Variants in ARID1A observed in about 807,000 individuals in gnomAD.
The protein encoded by ARID1A is AT-rich interactive domain-containing protein 1A.
ARID1A carries 20 observed loss-of-function variants against 212.6 expected under a neutral mutation model. The observed-to-expected ratio is 0.09, with a 90% CI of 0.07 to 0.14. ARID1A has a LOEUF of 0.14. Ranked by LOEUF, ARID1A falls within the 10% of genes least tolerant of loss-of-function variation. ARID1A has a pLI of 1.00. For missense variants in ARID1A, 2,587 were observed against 3,059.0 expected (o/e 0.85, Z 3.64); for synonymous variants, 1,376 against 1,222.1 (o/e 1.13, Z -2.63).
rs1419349777 is a variant in ARID1A, at chr1:26,773,326, G to A, written c.3716-20G>A. On this transcript the variant is annotated intron_variant, in intron 14 of 19. Transcript: ENST00000324856. ...TTGTCAACTTACCAGTTTGTTCACC[G>A]CTTGCCTTTCTACGCTCAGCTCCAG... is the stretch of plus-strand genomic sequence containing the variant. The A allele has an allele frequency of 1.5e-5, 23 of 1,551,012 alleles. No individual in the cohort carries two copies. The highest frequency in any genetic ancestry group is 2.5e-5 in the South Asian group (2 of 80,784).
chr1:26,747,061 CA>C (rs905779721), intron 4 of ARID1A, among the ~76,000 whole-genome samples: 3 of 151,656 alleles, frequency 2.0e-5, no homozygotes, highest in Non-Finnish European at 2.9e-5. Flanking sequence ...AACAAACAAA[CA>C]AAAAAAACAA....
intron 1 of ARID1A, among the ~76,000 whole-genome samples, chr1:26,728,321 G>A (rs985212144): frequency 4.6e-5 from 7 of 152,096 alleles, no homozygotes; most frequent in African/African-American, 1.7e-4. Context: ...TTTCATGAAA[G>A]CTCTACTTCC....
At position 26,696,724 on chromosome 1, in the gene ARID1A, G is replaced by A. The variant is rs1396175007; in HGVS notation, c.321G>A (p.Ala107=). The A allele has an allele frequency of 2.6e-5, 36 of 1,368,588 alleles. No homozygotes were observed. Among genetic ancestry groups the A allele is most frequent in the Non-Finnish European group, 3.3e-5 (35 of 1,061,248 alleles). 84.8% of individuals were successfully genotyped at this position (1,368,588 alleles called of 1,614,324 possible). A position where few individuals can be genotyped will look rare whatever the true frequency, so the allele number is the denominator to read the frequency against. Residue 107 remains alanine, a synonymous_variant, in exon 1 of 20, where the codon GCG becomes GCA. Coordinates refer to ENST00000324856, the MANE Select transcript of ARID1A (RefSeq NM_006015.6). ...ACCTGAAGAACTCGAACGGGAACGCGGGCCCTAGGCCCGCCCTGAACAATA... is the reference window on the plus strand; with the variant it reads ...ACCTGAAGAACTCGAACGGGAACGCAGGCCCTAGGCCCGCCCTGAACAATA... ...EPDLKNSNGN[A]GPRPALNNNL...
At chr1:26,747,350 C>T (rs1030619733) in intron 4 of ARID1A, among the ~76,000 whole-genome samples, 1 of 152,160 alleles carries the variant, frequency 6.6e-6, no homozygotes, top group African/African-American at 2.4e-5. Context: ...TTGACCTTTC[C>T]CAAAGAAGCT....
At chr1:26,729,904 CA>C in intron 2 of ARID1A, 41 bp downstream of exon 2, 1 of 1,591,642 alleles carries the variant, frequency 6.3e-7, no homozygotes, top group South Asian at 1.1e-5. Context: ...TGTTGCTGTC[CA>C]AAATCTGATC....
intron 2 of ARID1A, among the ~76,000 whole-genome samples, chr1:26,730,893 T>A (rs1049161249): frequency 6.6e-6 from 1 of 152,198 alleles, no homozygotes; most frequent in Non-Finnish European, 1.5e-5. Flanking sequence ...CTCAAACTTA[T>A]GTTGCCCAAA....
Position 26,696,242 on chromosome 1 carries a change from C to CG in ARID1A, c.-155dup, listed in dbSNP as rs1319181968. On this transcript the variant is annotated 5_prime_UTR_variant, in exon 1 of 20. Transcript: ENST00000324856. ...CAGCCCGGAGCCTGAGCCGGCGGGG[C>CG]GGGGGGGAGAGGAGCGAGCGCAGCG... 9 of 864,784 alleles carry CG rather than the reference C, an allele frequency of 1.0e-5. No homozygotes were observed. Among genetic ancestry groups the CG allele is most frequent in the Admixed American group, 1.1e-4 (2 of 18,010 alleles). The allele number at this position is 864,784 out of a possible 1,614,324, so 53.6% of individuals were successfully genotyped here.
At chr1:26,732,428 A>G (rs2080688061) in intron 3 of ARID1A, among the ~76,000 whole-genome samples, 1 of 152,232 alleles carries the variant, frequency 6.6e-6, no homozygotes, top group South Asian at 2.1e-4. Flanking sequence ...GCCAGACATT[A>G]GCATTTAACC....
rs1257406381 is a variant in ARID1A, at chr1:26,774,609, G to A, written c.4382G>A (p.Arg1461Gln). The A allele has an allele frequency of 8.1e-6, 13 of 1,614,046 alleles. No homozygotes were observed. The Admixed American group carries it at 1.5e-4, about 19-fold the overall frequency. Residue 1461 changes from arginine to glutamine, a missense_variant, in exon 18 of 20, where the codon CGA (arginine) becomes CAA (glutamine). Transcript: ENST00000324856. The surrounding 1 kb of genome is among the most constrained non-coding windows in gnomAD (Gnocchi z 5.6). ...PQNQFPFQFG[R>Q]DRVSAPPGTN... The stretch of plus-strand genomic sequence containing the variant: ...AACCAATTTCCATTCCAGTTTGGCC[G>A]AGACCGTGTCTCTGCACCCCCTGGC...
At chr1:26,732,427 T>C (rs1183074685) in intron 3 of ARID1A, among the ~76,000 whole-genome samples, 1 of 152,200 alleles carries the variant, frequency 6.6e-6, no homozygotes, top group Admixed American at 6.5e-5. Context: ...GGCCAGACAT[T>C]AGCATTTAAC....
rs2124788619 is a variant in ARID1A at position 26,731,307 on chromosome 1, G to T, written c.1506G>T (p.Gln502His). ...CTCATGCCCAACCTTCGTATCAGCA[G>T]CAGCCACAGTCTCAACCACCACAGC... ...QTPHAQPSYQ[Q>H]QPQSQPPQLQ... Residue 502 changes from glutamine to histidine, a missense_variant, in exon 3 of 20, where the codon CAG becomes CAT. This residue lies in a region of ARID1A where 674 missense variants were observed against 813.4 expected (regional missense o/e 0.83). Coordinates refer to ENST00000324856, the MANE Select transcript of ARID1A (RefSeq NM_006015.6). 4 of 1,613,624 alleles carry T rather than the reference G, an allele frequency of 2.5e-6. No individual in the cohort carries two copies. Among genetic ancestry groups the T allele is most frequent in the Non-Finnish European group, 3.4e-6 (4 of 1,179,916 alleles).
intron 4 of ARID1A, among the ~76,000 whole-genome samples, chr1:26,736,258 A>G (rs981103987): frequency 6.8e-5 from 10 of 146,526 alleles, no homozygotes; most frequent in African/African-American, 2.0e-4. Flanking sequence ...CCTGGGAGGC[A>G]GAGGTTGCAT....
At chr1:26,722,495 T>G (rs1210856833) in intron 1 of ARID1A, among the ~76,000 whole-genome samples, 3 of 152,232 alleles carry the variant, frequency 2.0e-5, no homozygotes, top group East Asian at 3.8e-4. Context: ...ATCTGCCGCC[T>G]TGGCCACCCA....
rs2080831798 is a variant in ARID1A at position 26,745,921 on chromosome 1, T to C, written c.1920+13129T>C. Among the ~76,000 whole-genome samples the C allele has an allele frequency of 2.6e-5, 4 of 152,054 alleles. No homozygotes were observed. The South Asian group carries it at 8.3e-4, about 32-fold the overall frequency. On this transcript the variant is annotated intron_variant, in intron 4 of 19. Coordinates refer to ENST00000324856, the MANE Select transcript of ARID1A (RefSeq NM_006015.6). ...ACAAAATTAGCCGGGCGTGGTGGCA[T>C]GTGCTTGTAATCCCAGCTACTTGGG... is the stretch of plus-strand genomic sequence containing the variant.
rs956491233 is a variant in ARID1A, at chr1:26,697,536, C to T, written c.1133C>T (p.Pro378Leu). The change falls in exon 1 of 20, where the codon CCT (proline) becomes CTT (leucine). Residue 378 changes from proline (P) to leucine (L), a missense_variant. Physicochemically the swap from Pro to Leu is moderately conservative, Grantham distance 98. This residue lies in a region of ARID1A where 735 missense variants were observed against 590.6 expected (regional missense o/e 1.24). Coordinates refer to ENST00000324856, the MANE Select transcript of ARID1A (RefSeq NM_006015.6). ...GGGGQPLARTPQPSSPMDQMG... is the reference protein window; with the variant it reads ...GGGGQPLARTLQPSSPMDQMG... Reference sequence around the variant, plus strand: ...GGGGGGCAGCCGCTCGCCCGGACCCCTCAGGTACACAGCTGAGTGGGGAGG... The same window carrying T: ...GGGGGGCAGCCGCTCGCCCGGACCCTTCAGGTACACAGCTGAGTGGGGAGG... 12 of 1,380,114 alleles carry T rather than the reference C, an allele frequency of 8.7e-6. No individual in the cohort carries two copies. Among genetic ancestry groups the T allele is most frequent in the South Asian group, 1.7e-5 (1 of 59,620 alleles). 85.5% of individuals were successfully genotyped at this position (1,380,114 alleles called of 1,614,324 possible). A position where few individuals can be genotyped will look rare whatever the true frequency, so the allele number is the denominator to read the frequency against.
intron 1 of ARID1A, among the ~76,000 whole-genome samples, chr1:26,715,982 G>A (rs1258221994): frequency 6.6e-6 from 1 of 151,934 alleles, no homozygotes; most frequent in African/African-American, 2.4e-5. Flanking sequence ...TGAGGTGGGC[G>A]GATCATGAGG....
At chr1:26,709,805 C>G (rs2080432508) in intron 1 of ARID1A, among the ~76,000 whole-genome samples, 1 of 151,026 alleles carries the variant, frequency 6.6e-6, no homozygotes, top group Admixed American at 6.6e-5. Context: ...GCACATGTCA[C>G]TATGCCAGCT....
chr1:26,773,325 C>T lies in ARID1A; in HGVS notation c.3716-21C>T, dbSNP rs770516569. ...CTTGTCAACTTACCAGTTTGTTCAC[C>T]GCTTGCCTTTCTACGCTCAGCTCCA... is the stretch of plus-strand genomic sequence containing the variant. On this transcript the variant is annotated intron_variant, in intron 14 of 19. Coordinates refer to ENST00000324856, the MANE Select transcript of ARID1A (RefSeq NM_006015.6). 70 of 1,549,402 alleles carry T rather than the reference C, an allele frequency of 4.5e-5. 1 individual carries two copies. The South Asian group carries it at 4.7e-4, about 10-fold the overall frequency.
At chr1:26,713,653 G>C (rs959775338) in intron 1 of ARID1A, among the ~76,000 whole-genome samples, 5 of 152,112 alleles carry the variant, frequency 3.3e-5, no homozygotes, top group African/African-American at 9.7e-5. Flanking sequence ...CGCCCAGCCT[G>C]TGAAGATTTT....
Sources: allele counts gnomAD v4.1 joint callset (sites outside exome capture counted in the v4.1 genomes callset), GRCh38; gene constraint gnomAD v4.1.1; regional missense constraint gnomAD v4.1.1; non-coding constraint Gnocchi (gnomAD v3.1); transcripts MANE v1.5; gene names NCBI Gene and HGNC (gene_info 2026-07-23, HGNC 2026-07-21).